Variants in SND1 observed in about 807,000 individuals in gnomAD.
The protein encoded by SND1 is staphylococcal nuclease and tudor domain containing 1.
A neutral mutation model predicts 121.7 loss-of-function variants in SND1; 38 were observed. That is an observed-to-expected ratio of 0.31 (90% confidence interval 0.24 to 0.41). The LOEUF is 0.41. SND1 is among the 10% of genes least tolerant of loss of function. SND1 has a pLI of 1.00. For missense variants in SND1, 868 were observed against 1,184.6 expected, an observed-to-expected ratio of 0.73 and a Z score of 3.92; for synonymous variants, 401 against 447.4, an observed-to-expected ratio of 0.90 and a Z score of 1.31.
intron 15 of SND1, among the ~76,000 whole-genome samples, chr7:127,963,224 G>C (rs1000603428): frequency 1.3e-5 from 2 of 151,254 alleles, no homozygotes; most frequent in African/African-American, 4.9e-5. Flanking sequence ...AGTACCCAGA[G>C]ATAAGACTAG....
chr7:127,905,824 T>C (rs1800323980), intron 14 of SND1, among the ~76,000 whole-genome samples: 1 of 152,136 alleles, frequency 6.6e-6, no homozygotes. Context: ...GAGGAAGAGC[T>C]GGTAAATCTT....
At chr7:127,673,794 G>C (rs983718339) in intron 1 of SND1, among the ~76,000 whole-genome samples, 7 of 152,084 alleles carry the variant, frequency 4.6e-5, no homozygotes, top group African/African-American at 1.7e-4. Flanking sequence ...AGTTGTCCCA[G>C]TTTTGGCTAA....
intron 11 of SND1, among the ~76,000 whole-genome samples, chr7:127,819,825 A>G (rs1798515294): frequency 6.6e-6 from 1 of 152,222 alleles, no homozygotes; most frequent in Non-Finnish European, 1.5e-5. Flanking sequence ...TATTTTAAAT[A>G]TCAGTGAATT....
At chr7:128,083,522 T>C (rs1203058520) in intron 18 of SND1, among the ~76,000 whole-genome samples, 1 of 152,240 alleles carries the variant, frequency 6.6e-6, no homozygotes, top group African/African-American at 2.4e-5. Flanking sequence ...GCTTATGCAG[T>C]TTATTTTCAA....
chr7:127,804,819 G>T (rs960689325), intron 10 of SND1, among the ~76,000 whole-genome samples: 14 of 151,964 alleles, frequency 9.2e-5, no homozygotes, highest in African/African-American at 3.1e-4. Flanking sequence ...GGTCAGTGTC[G>T]TTATTTTGTT....
chr7:128,014,010 A>G (rs1302315820), intron 16 of SND1, among the ~76,000 whole-genome samples: 3 of 152,190 alleles, frequency 2.0e-5, no homozygotes, highest in Non-Finnish European at 4.4e-5. Flanking sequence ...TGAGCAGTCT[A>G]TCCTCTCTCC....
At chr7:127,657,483 A>T (rs1795231930) in intron 1 of SND1, among the ~76,000 whole-genome samples, 1 of 152,124 alleles carries the variant, frequency 6.6e-6, no homozygotes, top group Non-Finnish European at 1.5e-5. Flanking sequence ...TCCACCATTG[A>T]TGATTTATTT....
intron 10 of SND1, among the ~76,000 whole-genome samples, chr7:127,793,166 C>T (rs1270048347): frequency 1.3e-5 from 2 of 152,128 alleles, no homozygotes; most frequent in African/African-American, 4.8e-5. Context: ...GTCTAGGGGA[C>T]ATTGTGTGTG....
rs1801096697 is a variant in SND1 at position 127,937,889 on chromosome 7, A to G, written c.1669+8560A>G. Among the ~76,000 whole-genome samples the G allele has an allele frequency of 2.0e-5, 3 of 152,254 alleles. No individual in the cohort carries two copies. The South Asian group carries it at 6.2e-4, about 32-fold the overall frequency. On this transcript the variant is annotated intron_variant, in intron 15 of 23. Coordinates refer to ENST00000354725, the MANE Select transcript of SND1 (RefSeq NM_014390.4). ...TTTAAGTGAGAAATCCCATTCTGCTATCACAGAGGTGCTAATGAATCAGGC... is the reference window on the plus strand; with the variant it reads ...TTTAAGTGAGAAATCCCATTCTGCTGTCACAGAGGTGCTAATGAATCAGGC...
chr7:127,698,219 G>A (rs1014778226), intron 3 of SND1, among the ~76,000 whole-genome samples: 1 of 152,154 alleles, frequency 6.6e-6, no homozygotes, highest in Non-Finnish European at 1.5e-5. Flanking sequence ...GGTGTAGCTT[G>A]TCTTGGTGTC....
chr7:128,087,246 G>T (rs969609562), intron 21 of SND1, among the ~76,000 whole-genome samples, 195 bp downstream of exon 21: 1 of 152,202 alleles, frequency 6.6e-6, no homozygotes, highest in African/African-American at 2.4e-5. Context: ...ATAGAAGCAG[G>T]TAGGCCAGGG....
At chr7:127,951,966 T>G (rs1306727666) in intron 15 of SND1, among the ~76,000 whole-genome samples, 1 of 152,212 alleles carries the variant, frequency 6.6e-6, no homozygotes, top group Non-Finnish European at 1.5e-5. Flanking sequence ...CCTTCACTTC[T>G]CAGTTTTAAT....
chr7:127,784,812 G>T (rs1049253954), intron 10 of SND1, among the ~76,000 whole-genome samples: 1 of 152,236 alleles, frequency 6.6e-6, no homozygotes, highest in Non-Finnish European at 1.5e-5. Flanking sequence ...TTTTGGAAGA[G>T]AATAGTTTTT....
At chr7:128,028,520 C>A in intron 16 of SND1, 13 of 658,864 alleles carry the variant, frequency 2.0e-5, no homozygotes, top group South Asian at 2.8e-5. Context: ...TTTGTTTTGA[C>A]TTTTTGTCTT....
At chr7:127,741,057 C>T (rs889388432) in intron 10 of SND1, among the ~76,000 whole-genome samples, 7 of 152,184 alleles carry the variant, frequency 4.6e-5, no homozygotes, top group Admixed American at 3.9e-4. Context: ...TATTACTTCT[C>T]TGTCTCCTCT....
chr7:128,014,953 A>AC (rs1471256066), intron 16 of SND1, among the ~76,000 whole-genome samples: 3 of 152,054 alleles, frequency 2.0e-5, no homozygotes, highest in Non-Finnish European at 2.9e-5. Flanking sequence ...ACAGCTTCCT[A>AC]CCCTCCCTCT....
In SND1 at chr7:128,084,715, C is replaced by T; in HGVS notation, c.2111-9C>T. The T allele has an allele frequency of 6.2e-7, 1 of 1,603,508 alleles. No individual in the cohort carries two copies. Among genetic ancestry groups the T allele is most frequent in the Non-Finnish European group, 8.5e-7 (1 of 1,173,170 alleles). On this transcript the variant is annotated splice_polypyrimidine_tract_variant and intron_variant, in intron 18 of 23. Transcript: ENST00000354725. ...ACCCAGGTCTCACTGTGCTCTTCCT[C>T]CCTGGCAGGCACCCAGTTGGAGAAG...
intron 12 of SND1, among the ~76,000 whole-genome samples, chr7:127,879,287 A>G (rs146834362): frequency 3.3e-5 from 5 of 152,264 alleles, no homozygotes; most frequent in Admixed American, 6.5e-5. Flanking sequence ...TTGAAAGAAC[A>G]TGGATGTTAG....
At chr7:128,056,768 CAT>C (rs2117028684) in intron 16 of SND1, among the ~76,000 whole-genome samples, 1 of 152,268 alleles carries the variant, frequency 6.6e-6, no homozygotes, top group East Asian at 1.9e-4. Flanking sequence ...CCAAACTAGA[CAT>C]ATACAGTGTT....
Sources: gnomAD v4.1 joint callset for allele counts (sites outside exome capture counted in the v4.1 genomes callset) on GRCh38, gnomAD v4.1.1 for gene constraint, MANE v1.5 for transcripts, NCBI Gene and HGNC (gene_info 2026-07-23, HGNC 2026-07-21) for gene names.